Variants in KAZN observed in about 807,000 individuals in gnomAD.
KAZN encodes the protein kazrin, periplakin interacting protein, also known as kazrin.
In KAZN, 40 loss-of-function variants were observed where a neutral mutation model predicts 87.4. The ratio of observed to expected loss-of-function variants is 0.46; its 90% CI spans 0.36 to 0.60. The LOEUF is 0.60. KAZN is among the 20% of genes least tolerant of loss of function. The pLI is 0.00. For synonymous variants in KAZN, 466 were observed against 458.3 expected (o/e 1.02, Z -0.22); for missense variants, 898 against 1,073.9 (o/e 0.84, Z 2.29).
At chr1:14,259,466 A>G (rs1650840788) in intron 2 of KAZN, among the ~76,000 whole-genome samples, 1 of 152,072 alleles carries the variant, frequency 6.6e-6, no homozygotes, top group Non-Finnish European at 1.5e-5. Context: ...CCTTTTTAAC[A>G]GTCCAACCCT....
chr1:14,771,757 C>T (rs1645026321), intron 1 of KAZN, among the ~76,000 whole-genome samples: 3 of 151,988 alleles, frequency 2.0e-5, no homozygotes, highest in Non-Finnish European at 4.4e-5. Flanking sequence ...ACCCGGGAGG[C>T]GGAGGTTGCA....
At chr1:14,711,963 C>T (rs933973024) in intron 1 of KAZN, among the ~76,000 whole-genome samples, 3 of 152,146 alleles carry the variant, frequency 2.0e-5, no homozygotes, top group Admixed American at 1.3e-4. Flanking sequence ...AGGAGAGGTT[C>T]CGGCCATGGG....
chr1:14,153,155 A>C (rs181331063), intron 1 of KAZN, among the ~76,000 whole-genome samples: 103 of 152,206 alleles, frequency 6.8e-4, no homozygotes, highest in African/African-American at 2.3e-3. Flanking sequence ...TTGTCTTGTC[A>C]CTTTGTTAAT....
chr1:14,687,646 T>C (rs1641033776), intron 1 of KAZN, among the ~76,000 whole-genome samples: 1 of 152,188 alleles, frequency 6.6e-6, no homozygotes, highest in Non-Finnish European at 1.5e-5. Context: ...CAGTGGATCT[T>C]GCCAAGGAAC....
At chr1:13,894,692 A>C (rs140565118) in intron 1 of KAZN, among the ~76,000 whole-genome samples, 1 of 152,128 alleles carries the variant, frequency 6.6e-6, no homozygotes, top group African/African-American at 2.4e-5. Context: ...TGATGCTTTC[A>C]TTGGGTAGTT....
At position 14,447,474 on chromosome 1, in the gene KAZN, G is replaced by A. The variant is rs375993435; in HGVS notation, c.250-151509G>A. Among the ~76,000 whole-genome samples the A allele has an allele frequency of 2.4e-4, 37 of 151,786 alleles. 1 individual carries two copies. Among genetic ancestry groups the A allele is most frequent in the East Asian group, 1.4e-3 (7 of 5,170 alleles). ...CAGGATGGTCTCGATCTTTTCACTC[G>A]GTGATCCACCCGCCTTGGCCTCCCA... On this transcript the variant is annotated intron_variant, in intron 2 of 16. Coordinates refer to the KAZN transcript ENST00000636203.
chr1:14,791,949 G>A lies in KAZN; in HGVS notation c.227-168735G>A, dbSNP rs766422329. Among the ~76,000 whole-genome samples, 9 of 152,218 alleles carry A rather than the reference G, an allele frequency of 5.9e-5. No homozygotes were observed. In the South Asian group the frequency reaches 6.2e-4, roughly 10 times the overall value. ...TTCTGGAGGAGCAGCCACATTAGCC[G>A]GGGTGACCTCGGTCAATGCTGCGGG... On this transcript the variant is annotated intron_variant, in intron 1 of 14. Coordinates refer to ENST00000376030, the MANE Select transcript of KAZN (RefSeq NM_201628.3).
chr1:13,924,034 G>C (rs61777397), intron 1 of KAZN, among the ~76,000 whole-genome samples: 27,157 of 152,092 alleles, frequency 0.18, 2,567 homozygotes, highest in Non-Finnish European at 0.22. Flanking sequence ...CCAAATATGG[G>C]GTGGTGGGGA....
intron 1 of KAZN, among the ~76,000 whole-genome samples, chr1:14,726,835 C>T (rs1056269091): frequency 2.6e-5 from 4 of 152,182 alleles, no homozygotes; most frequent in African/African-American, 9.6e-5. Flanking sequence ...TATTGCAACA[C>T]GCCCTCCAGG....
intron 1 of KAZN, among the ~76,000 whole-genome samples, chr1:14,853,270 G>T (rs1649677080): frequency 6.6e-6 from 1 of 152,198 alleles, no homozygotes; most frequent in African/African-American, 2.4e-5. Flanking sequence ...GCCCAGGGCA[G>T]AGGGGCACAG....
At chr1:14,050,087 TACATGTGTGCATGTATGTGC>T (rs1265316927) in intron 1 of KAZN, among the ~76,000 whole-genome samples, 1 of 150,212 alleles carries the variant, frequency 6.7e-6, no homozygotes, top group Non-Finnish European at 1.5e-5. Flanking sequence ...CATGCCTGTG[TACATGTGTGCATGTATGTGC>T]ACATGTGTGT....
At chr1:15,086,813 T>A (rs1392238352) in intron 8 of KAZN, among the ~76,000 whole-genome samples, 1 of 152,254 alleles carries the variant, frequency 6.6e-6, no homozygotes, top group Admixed American at 6.5e-5. Flanking sequence ...CCCTAGGTTT[T>A]ATTAAGGTAA....
chr1:14,027,003 A>G (rs1641106567), intron 1 of KAZN, among the ~76,000 whole-genome samples: 1 of 152,178 alleles, frequency 6.6e-6, no homozygotes, highest in Admixed American at 6.5e-5. Flanking sequence ...AACAGCATAG[A>G]CAAAGAATGG....
chr1:14,780,178 G>C (rs980312146), intron 1 of KAZN, among the ~76,000 whole-genome samples: 1 of 152,170 alleles, frequency 6.6e-6, no homozygotes, highest in Non-Finnish European at 1.5e-5. Flanking sequence ...TGAGTTTGCT[G>C]TTGCCTCTGC....
intron 2 of KAZN, among the ~76,000 whole-genome samples, chr1:14,567,944 C>T (rs781468848): frequency 3.0e-4 from 46 of 152,208 alleles, no homozygotes; most frequent in Non-Finnish European, 7.3e-5. Context: ...TATAAACCCC[C>T]TCGCTTCAGT....
intron 2 of KAZN, among the ~76,000 whole-genome samples, chr1:14,371,947 G>A (rs1441452566): frequency 6.6e-6 from 1 of 152,208 alleles, no homozygotes; most frequent in Non-Finnish European, 1.5e-5. Flanking sequence ...ATGCATGAAA[G>A]GAGCCAACTG....
intron 1 of KAZN, among the ~76,000 whole-genome samples, chr1:14,697,241 G>T (rs981235739): frequency 6.6e-6 from 1 of 151,846 alleles, no homozygotes; most frequent in African/African-American, 2.4e-5. Context: ...GAGGCAGGCG[G>T]ATTGTTTAAG....
chr1:14,469,923 T>C (rs565794989), intron 2 of KAZN, among the ~76,000 whole-genome samples: 1 of 152,208 alleles, frequency 6.6e-6, no homozygotes, highest in Non-Finnish European at 1.5e-5. Flanking sequence ...TAATGTCTTG[T>C]TTTATAAAAC....
chr1:15,082,224 G>A (rs1573269066), intron 8 of KAZN, among the ~76,000 whole-genome samples: 1 of 152,282 alleles, frequency 6.6e-6, no homozygotes, highest in East Asian at 1.9e-4. Context: ...CAGGTGCAGG[G>A]ACACATTCAG....
Sources: allele counts gnomAD v4.1 joint callset (sites outside exome capture counted in the v4.1 genomes callset), GRCh38; gene constraint gnomAD v4.1.1; transcripts MANE v1.5; gene names NCBI Gene and HGNC (gene_info 2026-07-23, HGNC 2026-07-21).